Variants in BLNK observed in about 807,000 individuals in gnomAD.
The protein encoded by BLNK is B-cell linker protein.
A neutral mutation model predicts 73.5 loss-of-function variants in BLNK; 29 were observed. That is an observed-to-expected ratio of 0.39 (90% CI 0.29 to 0.54). BLNK has a LOEUF of 0.54. Among genes scored for constraint, BLNK ranks in the 20% least tolerant of loss-of-function variants. The pLI, the probability that BLNK is intolerant of heterozygous loss-of-function variation, is 0.61. For missense variants in BLNK, 460 were observed against 562.8 expected (o/e 0.82, Z 1.85); for synonymous variants, 176 against 200.8 (o/e 0.88, Z 1.04).
chr10:96,253,914 G>C lies in BLNK; in HGVS notation c.48-6865C>G, dbSNP rs1354511037. ...CGGGCGCCTGTAGTCCCAGCTACTC[G>C]GGAGGCTGAGACAGGAGAATGGCAT... On this transcript the variant is annotated intron_variant, in intron 1 of 16. Coordinates refer to ENST00000224337, the MANE Select transcript of BLNK (RefSeq NM_013314.4). 2.0e-5 allele frequency among the ~76,000 whole-genome samples: 3 copies of C among 151,988 alleles called. No homozygotes were observed. The East Asian group carries it at 5.8e-4, about 29-fold the overall frequency.
chr10:96,236,887 T>TCC (rs1443346594), intron 3 of BLNK, among the ~76,000 whole-genome samples: 3 of 151,778 alleles, frequency 2.0e-5, no homozygotes, highest in Non-Finnish European at 4.4e-5. Context: ...TGTCTACTCA[T>TCC]CCCTTCACAG....
chr10:96,271,259 G>A (rs1352766511), intron 1 of BLNK, 93 bp downstream of exon 1: 6 of 1,440,270 alleles, frequency 4.2e-6, no homozygotes, highest in Middle Eastern at 1.7e-4. Context: ...AACTAGCAAA[G>A]CATTCCAGGA....
chr10:96,241,104 T>C (rs10882759), intron 3 of BLNK, among the ~76,000 whole-genome samples: 34,189 of 152,210 alleles, frequency 0.22, 4,369 homozygotes, highest in Non-Finnish European at 0.29. Context: ...AACAGGCCTG[T>C]AACCAGACTT....
In BLNK at chr10:96,216,703, T is replaced by C. The variant is rs2084073928; in HGVS notation, c.557A>G (p.Asp186Gly). ...TTCTGTGGGATGAATATAGTTTTCA[T>C]CATTATCTTCCACGGGGACCACATA... ...ADYVVPVEDNDENYIHPTESS... is the reference protein window; with the variant it reads ...ADYVVPVEDNGENYIHPTESS... Residue 186 changes from aspartate to glycine, a missense_variant, in exon 7 of 17, where the codon GAT becomes GGT. Around this residue, in one of 3 missense-constraint regions of BLNK, gnomAD observed 233 missense variants for 232.1 expected, o/e 1.00. Transcript: ENST00000224337. 6.2e-7 allele frequency: 1 copy of C among 1,614,162 alleles called. No homozygotes were observed. Among genetic ancestry groups the C allele is most frequent in the African/African-American group, 1.3e-5 (1 of 75,056 alleles).
chr10:96,216,794 G>A (rs372478877), intron 6 of BLNK, 60 bp from the exon 7 acceptor site: 857 of 1,405,464 alleles, frequency 6.1e-4, no homozygotes, highest in Non-Finnish European at 7.2e-4. Context: ...GACTGTATGG[G>A]AGGGAGTGAT....
intron 13 of BLNK, among the ~76,000 whole-genome samples, chr10:96,201,347 T>C (rs782512682): frequency 2.7e-4 from 41 of 152,320 alleles, no homozygotes; most frequent in African/African-American, 9.1e-4. Context: ...GAAACAGAGA[T>C]GAGAATCCAG....
chr10:96,247,003 T>A lies in BLNK; in HGVS notation c.94A>T (p.Ile32Leu), dbSNP rs191065660. ...VHDIKNNEGG[I>L]MNKIKKLKVK... ...ACTTACTTTTTGATTTTATTCATTA[T>A]TCCACCTTCATTGTTTTTAATATCA... The change falls in exon 2 of 17, where the codon ATA becomes TTA. Residue 32 changes from isoleucine to leucine, a missense_variant. Ile to Leu is a conservative substitution (Grantham distance 5, BLOSUM62 2). This residue lies in a region of BLNK where 139 missense variants were observed against 187.3 expected (regional missense o/e 0.74). Transcript: ENST00000224337. 197 of 1,607,830 alleles carry A rather than the reference T, an allele frequency of 1.2e-4. 2 individuals carry two copies. The Admixed American group carries it at 1.6e-3, about 13-fold the overall frequency.
rs1554893443 is a variant in BLNK, at chr10:96,191,534, T to C, written c.*439A>G. On this transcript the variant is annotated 3_prime_UTR_variant, in exon 17 of 17. Coordinates refer to ENST00000224337, the MANE Select transcript of BLNK (RefSeq NM_013314.4). ...ATATCATACATTACCTTTAATACCT[T>C]ATTTTCTACAAATTAAAATTTTAAC... Among the ~76,000 whole-genome samples the C allele has an allele frequency of 6.6e-6, 1 of 152,106 alleles. No homozygotes were observed. The highest frequency in any genetic ancestry group is 2.4e-5 in the African/African-American group (1 of 41,436).
At chr10:96,197,212 C>T (rs587742115) in intron 15 of BLNK, 149 bp from the exon 16 acceptor site, 2 of 615,508 alleles carry the variant, frequency 3.2e-6, no homozygotes, top group African/African-American at 3.7e-5. Flanking sequence ...TAGCGCTTGT[C>T]TTCTTATTTT....
rs373517547 is a variant in BLNK, at chr10:96,242,800, A to G, written c.114-16T>C. 12 of 1,611,016 alleles carry G rather than the reference A, an allele frequency of 7.4e-6. No homozygotes were observed. The South Asian group carries it at 9.9e-5, about 13-fold the overall frequency. On this transcript the variant is annotated splice_polypyrimidine_tract_variant and intron_variant, in intron 2 of 16. Coordinates refer to ENST00000224337, the MANE Select transcript of BLNK (RefSeq NM_013314.4). ...GACTTTTAGCCTGGAAATAACAACC[A>G]TGAGACAAAAGGTCAGTGAGCAGAA...
intron 6 of BLNK, among the ~76,000 whole-genome samples, chr10:96,219,660 A>G (rs1235090905): frequency 1.3e-5 from 2 of 152,168 alleles, no homozygotes; most frequent in African/African-American, 2.4e-5. Flanking sequence ...ATTACAGAAA[A>G]TGTTTTTATC....
intron 6 of BLNK, among the ~76,000 whole-genome samples, chr10:96,218,150 C>T (rs1190237203): frequency 6.6e-6 from 1 of 152,194 alleles, no homozygotes; most frequent in Non-Finnish European, 1.5e-5. Flanking sequence ...TGACAAGACA[C>T]AAATGAGGTA....
At chr10:96,232,666 A>C (rs1186374788) in intron 3 of BLNK, among the ~76,000 whole-genome samples, 1 of 152,232 alleles carries the variant, frequency 6.6e-6, no homozygotes, top group Non-Finnish European at 1.5e-5. Context: ...AAGAATTCTT[A>C]CATTATTCTT....
chr10:96,207,082 T>G (rs1554897591), intron 10 of BLNK, 29 bp from the exon 11 acceptor site: 3 of 1,588,046 alleles, frequency 1.9e-6, no homozygotes, highest in Admixed American at 3.3e-5. Context: ...GGCAAGGTTA[T>G]TCAATATAGC....
At chr10:96,203,083 A>G (rs1410459657) in intron 13 of BLNK, among the ~76,000 whole-genome samples, 1 of 152,240 alleles carries the variant, frequency 6.6e-6, no homozygotes, top group Non-Finnish European at 1.5e-5. Flanking sequence ...TCAGTAGAAT[A>G]TAAGTTTCAT....
chr10:96,219,857 C>G (rs2084154687), intron 6 of BLNK, among the ~76,000 whole-genome samples: 1 of 152,286 alleles, frequency 6.6e-6, no homozygotes, highest in Admixed American at 6.5e-5. Flanking sequence ...TATAGACAAG[C>G]AAGCTGGAAG....
At chr10:96,223,022 A>G (rs2084234861) in intron 6 of BLNK, among the ~76,000 whole-genome samples, 1 of 149,840 alleles carries the variant, frequency 6.7e-6, no homozygotes, top group Non-Finnish European at 1.5e-5. Context: ...AAAACCTGAA[A>G]CTGGTGATGA....
At chr10:96,248,012 G>T (rs1843119790) in intron 1 of BLNK, among the ~76,000 whole-genome samples, 1 of 152,082 alleles carries the variant, frequency 6.6e-6, no homozygotes, top group Non-Finnish European at 1.5e-5. Context: ...TGTGCATTTT[G>T]TCCAATTCTG....
intron 1 of BLNK, among the ~76,000 whole-genome samples, chr10:96,266,303 C>T (rs1554914258): frequency 6.6e-6 from 1 of 152,144 alleles, no homozygotes; most frequent in African/African-American, 2.4e-5. Context: ...TGATTTGGTC[C>T]TTGGAAACCT....
Sources: allele counts gnomAD v4.1 joint callset (sites outside exome capture counted in the v4.1 genomes callset), GRCh38; gene constraint gnomAD v4.1.1; regional missense constraint gnomAD v4.1.1; transcripts MANE v1.5; gene names NCBI Gene and HGNC (gene_info 2026-07-23, HGNC 2026-07-21).